NPAP1: variants seen among roughly 807,000 people sequenced by gnomAD.
NPAP1 encodes nuclear pore associated protein 1.
For missense variants in NPAP1, 1,483 were observed against 1,454.5 expected, an observed-to-expected ratio of 1.02 and a Z score of -0.32; for synonymous variants, 616 against 581.4, an observed-to-expected ratio of 1.06 and a Z score of -0.86.
In NPAP1 at chr15:24,681,816, T is replaced by TGATAGATA. The variant is rs148670496; in HGVS notation, c.*2499_*2506dup. 0.011 allele frequency: 1,740 copies of TGATAGATA among 165,078 alleles called. 21 individuals carry two copies. Among genetic ancestry groups the TGATAGATA allele is most frequent in the African/African-American group, 0.033 (1,341 of 40,946 alleles). The allele number at this position is 165,078 out of a possible 1,614,324, so 10.2% of individuals were successfully genotyped here. A position where few individuals can be genotyped will look rare whatever the true frequency, so the allele number is the denominator to read the frequency against. ...TACATAGATAGATGATAGAGATAGATGATAGATAGATAGATAGATAGATAG... is the reference window on the plus strand; with the variant it reads ...TACATAGATAGATGATAGAGATAGATGATAGATAGATAGATAGATAGATAGATAGATAG... On this transcript the variant is annotated 3_prime_UTR_variant, in exon 1 of 1. Transcript: ENST00000329468.
In NPAP1 at chr15:24,676,872, G is replaced by T. The variant is rs2141309002; in HGVS notation, c.1005G>T (p.Leu335=). The T allele has an allele frequency of 6.2e-7, 1 of 1,613,326 alleles. No individual in the cohort carries two copies. Among genetic ancestry groups the T allele is most frequent in the Non-Finnish European group, 8.5e-7 (1 of 1,180,034 alleles). Residue 335 remains leucine, a synonymous_variant, in exon 1 of 1, where the codon CTG becomes CTT. Transcript: ENST00000329468. ...PCKRKMSIPL[L]LPLPPSLPLL... is the part of the protein sequence containing the mutation. ...AAAGGAAAATGTCGATTCCATTGCT[G>T]CTGCCGCTGCCCCCTTCACTGCCAT...
rs2048978588 is a variant in NPAP1 at position 24,676,713 on chromosome 15, T to G, written c.846T>G (p.Asn282Lys). Residue 282 changes from asparagine (N) to lysine (K), a missense_variant, in exon 1 of 1, where the codon AAT becomes AAG. Coordinates refer to ENST00000329468, the MANE Select transcript of NPAP1 (RefSeq NM_018958.3). ...AGAAGTTGGCTGCGGAAGTGCTGAA[T>G]GAAGAGCCACCGCCCAGCTCCCTAG... ...LQQKLAAEVLNEEPPPSSLGL... is the reference protein window; with the variant it reads ...LQQKLAAEVLKEEPPPSSLGL... 6.2e-7 allele frequency: 1 copy of G among 1,613,916 alleles called. No individual in the cohort carries two copies. The highest frequency in any genetic ancestry group is 8.5e-7 in the Non-Finnish European group (1 of 1,180,034).
rs2141310281 is a variant in NPAP1, at chr15:24,677,400, C to G, written c.1533C>G (p.Val511=). 6.2e-7 allele frequency: 1 copy of G among 1,614,156 alleles called. No individual in the cohort carries two copies. The highest frequency in any genetic ancestry group is 8.5e-7 in the Non-Finnish European group (1 of 1,180,024). ...CCACACCCTCCTTCAAGCCTCCCGT[C>G]ACAAGGGAGTCCCCAATATCTATGT... ...PSSTPSFKPP[V]TRESPISMCV... The change falls in exon 1 of 1, where the codon GTC becomes GTG. Residue 511 remains valine (V), a synonymous_variant. Transcript: ENST00000329468.
rs2141306749 is a variant in NPAP1 at position 24,675,822 on chromosome 15, T to A, written c.-46T>A. 1.5e-6 allele frequency: 2 copies of A among 1,335,496 alleles called. No homozygotes were observed. Among genetic ancestry groups the A allele is most frequent in the South Asian group, 3.0e-5 (2 of 65,776 alleles). 82.7% of individuals were successfully genotyped at this position (1,335,496 alleles called of 1,614,324 possible). A position where few individuals can be genotyped will look rare whatever the true frequency, so the allele number is the denominator to read the frequency against. On this transcript the variant is annotated 5_prime_UTR_variant, in exon 1 of 1. Transcript: ENST00000329468. Reference sequence around the variant, plus strand: ...GAGGCGGTGGCTGAGGAGAGTTGAGTCCACTGCTGACCCTGTTTTACGGTA... The same window carrying A: ...GAGGCGGTGGCTGAGGAGAGTTGAGACCACTGCTGACCCTGTTTTACGGTA...
chr15:24,679,014 TTC>T, the NPAP1 span: 4 of 1,614,046 alleles, frequency 2.5e-6, no homozygotes, highest in African/African-American at 4.0e-5. Flanking sequence ...CCAGCACCAC[TTC>T]TGTTTTCCCA....
rs2141312974 is a variant in NPAP1, at chr15:24,678,596, C to G, written c.2729C>G (p.Ser910Cys). The G allele has an allele frequency of 2.5e-6, 4 of 1,614,046 alleles. No homozygotes were observed. The highest frequency in any genetic ancestry group is 3.4e-6 in the Non-Finnish European group (4 of 1,180,038). ...TLGATDGQQK[S>C]DSSFILGNPA... is the part of the protein sequence containing the mutation. ...GGGGCCACTGATGGGCAGCAGAAGT[C>G]TGACAGTTCTTTTATTCTGGGGAAT... Residue 910 changes from serine (S) to cysteine (C), a missense_variant, in exon 1 of 1, where the codon TCT (serine) becomes TGT (cysteine). Ser to Cys is a moderately radical substitution (Grantham distance 112). Coordinates refer to ENST00000329468, the MANE Select transcript of NPAP1 (RefSeq NM_018958.3).
rs2141312982 is a variant in NPAP1, at chr15:24,678,598, G to A, written c.2731G>A (p.Asp911Asn). Reference sequence around the variant, plus strand: ...GGCCACTGATGGGCAGCAGAAGTCTGACAGTTCTTTTATTCTGGGGAATCC... The same window carrying A: ...GGCCACTGATGGGCAGCAGAAGTCTAACAGTTCTTTTATTCTGGGGAATCC... ...LGATDGQQKS[D>N]SSFILGNPAT... Residue 911 changes from aspartate to asparagine, a missense_variant, in exon 1 of 1, where the codon GAC becomes AAC. Coordinates refer to ENST00000329468, the MANE Select transcript of NPAP1 (RefSeq NM_018958.3). 1 of 1,613,970 alleles carries A rather than the reference G, an allele frequency of 6.2e-7. No individual in the cohort carries two copies. Among genetic ancestry groups the A allele is most frequent in the Non-Finnish European group, 8.5e-7 (1 of 1,180,040 alleles).
Position 24,679,552 on chromosome 15 carries a change from G to A in NPAP1, c.*214G>A, listed in dbSNP as rs2049003601. 4 of 578,606 alleles carry A rather than the reference G, an allele frequency of 6.9e-6. No individual in the cohort carries two copies. The highest frequency in any genetic ancestry group is 6.4e-5 in the Admixed American group (2 of 31,016). The allele number at this position is 578,606 out of a possible 1,614,324, so 35.8% of individuals were successfully genotyped here. A position where few individuals can be genotyped will look rare whatever the true frequency, so the allele number is the denominator to read the frequency against. On this transcript the variant is annotated 3_prime_UTR_variant, in exon 1 of 1. Coordinates refer to ENST00000329468, the MANE Select transcript of NPAP1 (RefSeq NM_018958.3). Reference sequence around the variant, plus strand: ...ATGGGTCCCACCTGGACAAAACACAGGTGGTGCATCTGCAGTGAATGGCAA... The same window carrying A: ...ATGGGTCCCACCTGGACAAAACACAAGTGGTGCATCTGCAGTGAATGGCAA...
rs2141313319 is a variant in NPAP1, at chr15:24,678,729, A to G, written c.2862A>G (p.Ala954=). The G allele has an allele frequency of 6.2e-7, 1 of 1,614,218 alleles. No individual in the cohort carries two copies. The highest frequency in any genetic ancestry group is 1.1e-5 in the South Asian group (1 of 91,084). Residue 954 remains alanine (A), a synonymous_variant, in exon 1 of 1, where the codon GCA becomes GCG. Coordinates refer to ENST00000329468, the MANE Select transcript of NPAP1 (RefSeq NM_018958.3). ...CAGAGTTAACATCACCATATACTGC[A>G]TTGGGCACACCTGTTAATGCTGAGC... ...GFAELTSPYT[A]LGTPVNAEPV...
In NPAP1 at chr15:24,676,290, C is replaced by G. The variant is rs2141307691; in HGVS notation, c.423C>G (p.Ile141Met). ...REPAVKARKP[I>M]PATLLEETEV... ...CGGCGGTCAAGGCCAGGAAGCCCATCCCAGCCACTCTCCTGGAGGAGACCG... is the reference window on the plus strand; with the variant it reads ...CGGCGGTCAAGGCCAGGAAGCCCATGCCAGCCACTCTCCTGGAGGAGACCG... Residue 141 changes from isoleucine to methionine, a missense_variant, in exon 1 of 1, where the codon ATC becomes ATG. Ile to Met is a conservative substitution (Grantham distance 10, BLOSUM62 1). Coordinates refer to ENST00000329468, the MANE Select transcript of NPAP1 (RefSeq NM_018958.3). 2 of 1,519,806 alleles carry G rather than the reference C, an allele frequency of 1.3e-6. No homozygotes were observed. 94.1% of individuals were successfully genotyped at this position (1,519,806 alleles called of 1,614,324 possible). A position where few individuals can be genotyped will look rare whatever the true frequency, so the allele number is the denominator to read the frequency against.
At position 24,676,683 on chromosome 15, in the gene NPAP1, G is replaced by T; in HGVS notation, c.816G>T (p.Leu272=). The T allele has an allele frequency of 6.2e-7, 1 of 1,614,092 alleles. No individual in the cohort carries two copies. The highest frequency in any genetic ancestry group is 1.3e-5 in the African/African-American group (1 of 75,060). Residue 272 remains leucine (L), a synonymous_variant, in exon 1 of 1, where the codon CTG becomes CTT. Coordinates refer to ENST00000329468, the MANE Select transcript of NPAP1 (RefSeq NM_018958.3). ...PPEPAVGCSL[L]QQKLAAEVLN... ...AGCCAGCCGTTGGCTGCTCCCTGCT[G>T]CAGCAGAAGTTGGCTGCGGAAGTGC...
rs2048983320 is a variant in NPAP1 at position 24,677,292 on chromosome 15, T to G, written c.1425T>G (p.Asp475Glu). ...LPADLVPILG[D>E]QSNEKGGSYN... is the part of the protein sequence containing the mutation. Reference sequence around the variant, plus strand: ...CTGACCTTGTTCCCATTTTGGGTGATCAGTCTAATGAGAAAGGAGGCTCTT... The same window carrying G: ...CTGACCTTGTTCCCATTTTGGGTGAGCAGTCTAATGAGAAAGGAGGCTCTT... Residue 475 changes from aspartate (D) to glutamate (E), a missense_variant, in exon 1 of 1, where the codon GAT becomes GAG. Physicochemically the swap from Asp to Glu is conservative, Grantham distance 45. Transcript: ENST00000329468. 1 of 1,614,174 alleles carries G rather than the reference T, an allele frequency of 6.2e-7. No individual in the cohort carries two copies. Among genetic ancestry groups the G allele is most frequent in the Non-Finnish European group, 8.5e-7 (1 of 1,180,022 alleles).
Position 24,679,342 on chromosome 15 carries a change from C to T in NPAP1, c.*4C>T, listed in dbSNP as rs1566757464. ...TGTCTGTTTCCAACTTCCGTAAGAG[C>T]ACCTGTGGTTCACCTGATCACACCA... On this transcript the variant is annotated 3_prime_UTR_variant, in exon 1 of 1. Transcript: ENST00000329468. The T allele has an allele frequency of 3.8e-6, 6 of 1,594,826 alleles. No individual in the cohort carries two copies. Among genetic ancestry groups the T allele is most frequent in the Non-Finnish European group, 5.2e-6 (6 of 1,164,658 alleles).
rs2049007491 is a variant in NPAP1, at chr15:24,680,075, A to C, written c.*737A>C. 1 of 169,224 alleles carries C rather than the reference A, an allele frequency of 5.9e-6. No individual in the cohort carries two copies. The highest frequency in any genetic ancestry group is 1.4e-5 in the Non-Finnish European group (1 of 70,882). The allele number at this position is 169,224 out of a possible 1,614,324, so 10.5% of individuals were successfully genotyped here. Reference sequence around the variant, plus strand: ...TAGTAGCACAATCTCGGCTCACTGCAACCTCCACCTCCTGGGTTCAAGCAA... The same window carrying C: ...TAGTAGCACAATCTCGGCTCACTGCCACCTCCACCTCCTGGGTTCAAGCAA... On this transcript the variant is annotated 3_prime_UTR_variant, in exon 1 of 1. Coordinates refer to ENST00000329468, the MANE Select transcript of NPAP1 (RefSeq NM_018958.3).
chr15:24,677,877 T>C lies in NPAP1; in HGVS notation c.2010T>C (p.Leu670=). The C allele has an allele frequency of 6.2e-7, 1 of 1,613,078 alleles. No homozygotes were observed. Among genetic ancestry groups the C allele is most frequent in the Non-Finnish European group, 8.5e-7 (1 of 1,179,792 alleles). Residue 670 remains leucine, a synonymous_variant, in exon 1 of 1, where the codon CTT becomes CTC. Coordinates refer to ENST00000329468, the MANE Select transcript of NPAP1 (RefSeq NM_018958.3). ...CCAGTGCCTGTGTTTTCCTGAGCCTTCCCATCATTCCTCCTCCAGACACCT... is the reference window on the plus strand; with the variant it reads ...CCAGTGCCTGTGTTTTCCTGAGCCTCCCCATCATTCCTCCTCCAGACACCT... ...SLPSACVFLS[L]PIIPPPDTST... is the part of the protein sequence containing the mutation.
chr15:24,679,207 C>T lies in NPAP1; in HGVS notation c.3340C>T (p.Pro1114Ser), dbSNP rs2049000973. Residue 1114 changes from proline to serine, a missense_variant, in exon 1 of 1, where the codon CCT (proline) becomes TCT (serine). Transcript: ENST00000329468. ...GDGTRSIVGG[P>S]CVPAFQQCIL... ...TGGCACCAGATCCATAGTTGGAGGC[C>T]CTTGTGTTCCTGCTTTTCAACAGTG... The T allele has an allele frequency of 3.7e-6, 6 of 1,614,068 alleles. No individual in the cohort carries two copies. The highest frequency in any genetic ancestry group is 2.2e-5 in the East Asian group (1 of 44,890).
rs1306045762 is a variant in NPAP1 at position 24,679,078 on chromosome 15, C to A, written c.3211C>A (p.Gln1071Lys). 1 of 1,614,088 alleles carries A rather than the reference C, an allele frequency of 6.2e-7. No homozygotes were observed. Among genetic ancestry groups the A allele is most frequent in the East Asian group, 2.2e-5 (1 of 44,882 alleles). ...TGGCCACAGCATGGCTGCTGCACCA[C>A]AAGGGGCTAGCAACATTCCTGTATT... ...PTGHSMAAAP[Q>K]GASNIPVFGY... The change falls in exon 1 of 1, where the codon CAA (glutamine) becomes AAA (lysine). Residue 1071 changes from glutamine (Q) to lysine (K), a missense_variant. Transcript: ENST00000329468.
In NPAP1 at chr15:24,676,511, A is replaced by C. The variant is rs1040939821; in HGVS notation, c.644A>C (p.Lys215Thr). Residue 215 changes from lysine to threonine, a missense_variant, in exon 1 of 1, where the codon AAG (lysine) becomes ACG (threonine). Lys to Thr is a moderately conservative substitution (Grantham distance 78, BLOSUM62 -1). Coordinates refer to ENST00000329468, the MANE Select transcript of NPAP1 (RefSeq NM_018958.3). ...CCTCTGGAGGGAAATGTCTACCACA[A>C]GTTCTCAGAAAACAGCATGAGTGAG... ...PGPLEGNVYH[K>T]FSENSMSEKA... 1.2e-6 allele frequency: 2 copies of C among 1,613,986 alleles called. No homozygotes were observed. The highest frequency in any genetic ancestry group is 1.7e-6 in the Non-Finnish European group (2 of 1,180,032).
In NPAP1 at chr15:24,682,020, C is replaced by T. The variant is rs972296864; in HGVS notation, c.*2682C>T. On this transcript the variant is annotated 3_prime_UTR_variant, in exon 1 of 1. Coordinates refer to ENST00000329468, the MANE Select transcript of NPAP1 (RefSeq NM_018958.3). Reference sequence around the variant, plus strand: ...GCGTGATCTTGGCTCACTGCACGCTCCACCTCTCGGAAGAACCCCTTTTTA... The same window carrying T: ...GCGTGATCTTGGCTCACTGCACGCTTCACCTCTCGGAAGAACCCCTTTTTA... The T allele has an allele frequency of 6.0e-6, 1 of 166,836 alleles. No homozygotes were observed. Among genetic ancestry groups the T allele is most frequent in the Non-Finnish European group, 1.5e-5 (1 of 68,068 alleles). The allele number at this position is 166,836 out of a possible 1,614,324, so 10.3% of individuals were successfully genotyped here.
Sources: gnomAD v4.1 joint callset for allele counts on GRCh38, gnomAD v4.1.1 for gene constraint, MANE v1.5 for transcripts, NCBI Gene and HGNC (gene_info 2026-07-23, HGNC 2026-07-21) for gene names.